The following SNTB1 variants were observed in gnomAD, a reference collection of about 807,000 sequenced individuals.
SNTB1 encodes syntrophin beta 1.
In SNTB1, 36 loss-of-function variants were observed where a neutral mutation model predicts 48.9. The observed-to-expected ratio is 0.74, with a 90% confidence interval of 0.56 to 0.97. SNTB1 has a LOEUF of 0.97. Ranked by LOEUF, SNTB1 falls within the 50% of genes least tolerant of loss-of-function variation. The probability of loss-of-function intolerance (pLI) is 0.00; values close to 1 mark genes in which losing one functional copy is unlikely to be tolerated. For missense variants in SNTB1, 786 were observed against 703.4 expected, an observed-to-expected ratio of 1.12 and a Z score of -1.33; for synonymous variants, 299 against 294.6, an observed-to-expected ratio of 1.01 and a Z score of -0.15.
At chr8:120,799,022 A>G (rs1308011871) in intron 1 of SNTB1, among the ~76,000 whole-genome samples, 1 of 152,034 alleles carries the variant, frequency 6.6e-6, no homozygotes, top group Admixed American at 6.6e-5. Context: ...CCAGGGAGTT[A>G]ATGTCCCAGA....
intron 2 of SNTB1, among the ~76,000 whole-genome samples, chr8:120,691,387 G>C (rs1398973647): frequency 6.6e-6 from 1 of 152,192 alleles, no homozygotes; most frequent in Non-Finnish European, 1.5e-5. Context: ...ATAATGTTGA[G>C]AACTTACATA....
intron 3 of SNTB1, among the ~76,000 whole-genome samples, chr8:120,592,271 T>C (rs1816252453): frequency 6.6e-6 from 1 of 152,016 alleles, no homozygotes; most frequent in Non-Finnish European, 1.5e-5. Context: ...AGCCTCAAAC[T>C]CTTGGGGTCA....
At chr8:120,718,650 G>A (rs183548231) in intron 1 of SNTB1, among the ~76,000 whole-genome samples, 181 of 152,266 alleles carry the variant, frequency 1.2e-3, no homozygotes, top group Non-Finnish European at 1.9e-3. Flanking sequence ...AACTGCTTCC[G>A]GAAGGGGAAG....
At chr8:120,656,876 A>G (rs1460122235) in intron 2 of SNTB1, among the ~76,000 whole-genome samples, 1 of 152,200 alleles carries the variant, frequency 6.6e-6, no homozygotes, top group East Asian at 1.9e-4. Context: ...AGTTAGAAAA[A>G]GGTATAGAAA....
intron 1 of SNTB1, among the ~76,000 whole-genome samples, chr8:120,731,199 T>C (rs1201051165): frequency 6.6e-6 from 1 of 152,176 alleles, no homozygotes; most frequent in Non-Finnish European, 1.5e-5. Context: ...TTCAGTTAAA[T>C]GAATAAACTG....
intron 2 of SNTB1, among the ~76,000 whole-genome samples, chr8:120,639,452 A>ACATGCC (rs1817146949): frequency 6.6e-6 from 1 of 151,076 alleles, no homozygotes; most frequent in Admixed American, 6.6e-5. Flanking sequence ...TTAGACATGA[A>ACATGCC]CATGCCTGTG....
rs139524371 is a variant in SNTB1 at position 120,594,396 on chromosome 8, C to T, written c.997-19171G>A. ...GGGATTACAGGCATGCGCCACCAAG[C>T]CCAGCTAATTTTTGTATTTTTAGTA... On this transcript the variant is annotated intron_variant, in intron 3 of 6. Transcript: ENST00000517992. Among the ~76,000 whole-genome samples, 1,482 of 152,274 alleles carry T rather than the reference C, an allele frequency of 9.7e-3. 21 individuals are homozygous for T. Among genetic ancestry groups the T allele is most frequent in the African/African-American group, 0.034 (1,420 of 41,554 alleles).
intron 1 of SNTB1, among the ~76,000 whole-genome samples, chr8:120,804,724 C>T (rs573858860): frequency 6.6e-6 from 1 of 152,164 alleles, no homozygotes; most frequent in Non-Finnish European, 1.5e-5. Context: ...ATACGCCCCC[C>T]CAAGGCATGG....
At chr8:120,666,870 G>T (rs541335986) in intron 2 of SNTB1, among the ~76,000 whole-genome samples, 176 of 152,038 alleles carry the variant, frequency 1.2e-3, no homozygotes, top group Admixed American at 2.2e-3. Context: ...TCCACACATT[G>T]TAGTTTCATA....
At chr8:120,591,161 CCT>C (rs1816235044) in intron 3 of SNTB1, among the ~76,000 whole-genome samples, 1 of 152,310 alleles carries the variant, frequency 6.6e-6, no homozygotes, top group Admixed American at 6.5e-5. Context: ...CCTAGATTTT[CCT>C]CTGTCCTTGG....
At chr8:120,763,604 A>C (rs182566467) in intron 1 of SNTB1, among the ~76,000 whole-genome samples, 1 of 152,212 alleles carries the variant, frequency 6.6e-6, no homozygotes, top group Non-Finnish European at 1.5e-5. Flanking sequence ...TTTTTTCTGC[A>C]TGAAAAATAC....
At chr8:120,586,987 G>A (rs1453515743) in intron 3 of SNTB1, among the ~76,000 whole-genome samples, 1 of 152,172 alleles carries the variant, frequency 6.6e-6, no homozygotes. Flanking sequence ...TTGGGAGGCC[G>A]AGGCGGGTGG....
chr8:120,750,378 G>A (rs559401941), intron 1 of SNTB1, among the ~76,000 whole-genome samples: 14 of 152,184 alleles, frequency 9.2e-5, no homozygotes, highest in African/African-American at 3.4e-4. Context: ...CCCCAACACC[G>A]ATTGATTTGC....
chr8:120,612,036 G>A (rs1238187919), intron 3 of SNTB1, among the ~76,000 whole-genome samples: 1 of 152,044 alleles, frequency 6.6e-6, no homozygotes, highest in East Asian at 1.9e-4. Flanking sequence ...ATTTCCATTT[G>A]ATTTCATTCA....
chr8:120,758,431 G>A (rs976920280), intron 1 of SNTB1, among the ~76,000 whole-genome samples: 1 of 152,082 alleles, frequency 6.6e-6, no homozygotes, highest in Admixed American at 6.6e-5. Flanking sequence ...TGAGTTAGAG[G>A]TCCTCATCAA....
chr8:120,759,377 G>C (rs1391083709), intron 1 of SNTB1, among the ~76,000 whole-genome samples: 1 of 152,048 alleles, frequency 6.6e-6, no homozygotes, highest in African/African-American at 2.4e-5. Context: ...AACTCTCACT[G>C]GTCTCTACTT....
intron 2 of SNTB1, among the ~76,000 whole-genome samples, chr8:120,690,445 A>G (rs1191535855): frequency 1.3e-5 from 2 of 152,190 alleles, no homozygotes; most frequent in Non-Finnish European, 2.9e-5. Flanking sequence ...AGTTTCCGCT[A>G]TAAAAGTTGC....
chr8:120,781,891 C>T (rs1340819839), intron 1 of SNTB1, among the ~76,000 whole-genome samples: 3 of 152,224 alleles, frequency 2.0e-5, no homozygotes, highest in African/African-American at 7.2e-5. Context: ...CCATATCATT[C>T]TGTGTGGCAG....
At chr8:120,749,369 C>T (rs1434027550) in intron 1 of SNTB1, among the ~76,000 whole-genome samples, 2 of 152,136 alleles carry the variant, frequency 1.3e-5, no homozygotes, top group African/African-American at 4.8e-5. Flanking sequence ...TTAAATTATT[C>T]CTTTCACTGT....
Sources: allele counts gnomAD v4.1 joint callset (sites outside exome capture counted in the v4.1 genomes callset), GRCh38; gene constraint gnomAD v4.1.1; transcripts MANE v1.5; gene names NCBI Gene and HGNC (gene_info 2026-07-23, HGNC 2026-07-21).